Variants in PCDH9 observed in about 807,000 individuals in gnomAD.
PCDH9 encodes protocadherin-9.
PCDH9 carries 24 observed loss-of-function variants against 70.6 expected under a neutral mutation model. The observed-to-expected ratio is 0.34, with a 90% confidence interval of 0.25 to 0.48. The LOEUF (loss-of-function observed/expected upper bound fraction) is 0.48. Ranked by LOEUF, PCDH9 falls within the 20% of genes least tolerant of loss-of-function variation. The pLI is 0.99. For missense variants in PCDH9, 1,281 were observed against 1,503.6 expected (o/e 0.85, Z 2.45); for synonymous variants, 562 against 558.5 (o/e 1.01, Z -0.09).
intron 2 of PCDH9, among the ~76,000 whole-genome samples, chr13:67,196,510 T>C (rs886069925): frequency 3.3e-5 from 5 of 152,122 alleles, no homozygotes; most frequent in African/African-American, 9.6e-5. Context: ...AAGTTTGAAA[T>C]GTCTTTGATC....
intron 4 of PCDH9, among the ~76,000 whole-genome samples, chr13:66,624,909 T>G (rs2077478269): frequency 6.6e-6 from 1 of 152,130 alleles, no homozygotes; most frequent in South Asian, 2.1e-4. Context: ...TATACCAGTC[T>G]GCCACTATGT....
intron 3 of PCDH9, among the ~76,000 whole-genome samples, chr13:66,694,513 T>A (rs1010121652): frequency 1.4e-4 from 21 of 152,138 alleles, no homozygotes; most frequent in Non-Finnish European, 2.2e-4. Context: ...ACTAGTAGGT[T>A]AAAAAATATG....
intron 2 of PCDH9, among the ~76,000 whole-genome samples, chr13:66,948,376 T>C (rs908964133): frequency 2.0e-5 from 3 of 152,142 alleles, no homozygotes; most frequent in African/African-American, 7.2e-5. Flanking sequence ...AAAAACTTGT[T>C]TGCTAAATGA....
intron 2 of PCDH9, among the ~76,000 whole-genome samples, chr13:67,129,938 A>T (rs981491196): frequency 6.6e-6 from 1 of 152,132 alleles, no homozygotes; most frequent in Non-Finnish European, 1.5e-5. Flanking sequence ...TAAAATTTTT[A>T]AAAAGCATGA....
At chr13:67,177,584 A>C (rs902216384) in intron 2 of PCDH9, among the ~76,000 whole-genome samples, 3 of 152,030 alleles carry the variant, frequency 2.0e-5, no homozygotes, top group African/African-American at 7.2e-5. Context: ...CCCATCTCTG[A>C]AGATACAACC....
At chr13:66,619,581 T>A (rs2077398275) in intron 4 of PCDH9, among the ~76,000 whole-genome samples, 1 of 152,172 alleles carries the variant, frequency 6.6e-6, no homozygotes, top group South Asian at 2.1e-4. Context: ...TACCTATTGA[T>A]AAGAATAATG....
At chr13:67,025,454 T>C (rs75567743) in intron 2 of PCDH9, among the ~76,000 whole-genome samples, 16,545 of 152,092 alleles carry the variant, frequency 0.11, 991 homozygotes, top group Middle Eastern at 0.16. Flanking sequence ...TTCTTTTCTT[T>C]CCACACTGCA....
chr13:66,431,739 T>C (rs1467262750), intron 4 of PCDH9, among the ~76,000 whole-genome samples: 2 of 152,008 alleles, frequency 1.3e-5, no homozygotes, highest in East Asian at 1.9e-4. Context: ...AATTAAGTGA[T>C]TCATTCAGAA....
chr13:66,767,464 A>T (rs141267691), intron 3 of PCDH9, among the ~76,000 whole-genome samples: 43 of 152,212 alleles, frequency 2.8e-4, no homozygotes, highest in African/African-American at 1.0e-3. Context: ...TTCACTTAAG[A>T]TTAGTAACTG....
At chr13:66,783,361 G>C (rs1594056129) in intron 3 of PCDH9, among the ~76,000 whole-genome samples, 2 of 152,088 alleles carry the variant, frequency 1.3e-5, no homozygotes, top group Non-Finnish European at 2.9e-5. Context: ...GCTAGGCTTT[G>C]TATGCTGGAG....
intron 3 of PCDH9, among the ~76,000 whole-genome samples, chr13:66,718,241 C>T (rs2078896689): frequency 6.6e-6 from 1 of 151,964 alleles, no homozygotes; most frequent in African/African-American, 2.4e-5. Context: ...ATCCTGAGAC[C>T]CGTTCAAACT....
intron 2 of PCDH9, among the ~76,000 whole-genome samples, chr13:67,079,604 TG>T (rs958067168): frequency 2.6e-5 from 4 of 152,208 alleles, no homozygotes; most frequent in African/African-American, 9.6e-5. Flanking sequence ...TTGAAATGGC[TG>T]CCATGGGATC....
intron 4 of PCDH9, among the ~76,000 whole-genome samples, chr13:66,531,128 A>AT (rs1467390449): frequency 3.3e-5 from 5 of 150,598 alleles, no homozygotes; most frequent in African/African-American, 9.8e-5. Flanking sequence ...TGTTTTAAAT[A>AT]TTTTTTGTGT....
rs543994610 is a variant in PCDH9, at chr13:66,568,452, T to C, written c.3340+62758A>G. Among the ~76,000 whole-genome samples, 21 of 144,938 alleles carry C rather than the reference T, an allele frequency of 1.4e-4. No individual in the cohort carries two copies. In the South Asian group the frequency reaches 4.6e-3, roughly 31 times the overall value. On this transcript the variant is annotated intron_variant, in intron 4 of 4. Coordinates refer to ENST00000377865, the MANE Select transcript of PCDH9 (RefSeq NM_203487.3). ...ACACGCACACGCACACACACACACA[T>C]ACACTGATAAACTGACTCAAAATGA... is the stretch of plus-strand genomic sequence containing the variant.
chr13:66,461,409 A>T (rs753303086), intron 4 of PCDH9, among the ~76,000 whole-genome samples: 2 of 151,786 alleles, frequency 1.3e-5, no homozygotes, highest in Non-Finnish European at 2.9e-5. Flanking sequence ...TGTTGAATGC[A>T]GATAAGTGAT....
intron 4 of PCDH9, among the ~76,000 whole-genome samples, chr13:66,460,841 A>C (rs973452050): frequency 6.6e-6 from 1 of 151,778 alleles, no homozygotes; most frequent in African/African-American, 2.4e-5. Flanking sequence ...ATCCCACCCT[A>C]ATCATTTTAG....
intron 2 of PCDH9, among the ~76,000 whole-genome samples, chr13:66,977,272 G>A (rs2139760714): frequency 1.3e-5 from 2 of 151,994 alleles, no homozygotes; most frequent in Middle Eastern, 6.8e-3. Flanking sequence ...TGGCTTGCAG[G>A]GTGTTTAGAG....
intron 3 of PCDH9, among the ~76,000 whole-genome samples, chr13:66,792,646 G>A (rs1009327361): frequency 3.3e-5 from 5 of 152,148 alleles, no homozygotes; most frequent in East Asian, 1.9e-4. Context: ...TCCAGCATGA[G>A]TGACAAGAGT....
chr13:67,199,277 T>A (rs2089151828), intron 2 of PCDH9, among the ~76,000 whole-genome samples: 1 of 151,754 alleles, frequency 6.6e-6, no homozygotes, highest in African/African-American at 2.4e-5. Flanking sequence ...TTCTGGTGAT[T>A]AGATAATTAA....
Sources: gnomAD v4.1 joint callset for allele counts (sites outside exome capture counted in the v4.1 genomes callset) on GRCh38, gnomAD v4.1.1 for gene constraint, MANE v1.5 for transcripts, NCBI Gene and HGNC (gene_info 2026-07-23, HGNC 2026-07-21) for gene names.